Variants in SPIRE1 observed in about 807,000 individuals in gnomAD.
The protein encoded by SPIRE1 is spire type actin nucleation factor 1, also known as protein spire homolog 1.
A neutral mutation model predicts 94.1 loss-of-function variants in SPIRE1; 40 were observed. The observed-to-expected ratio is 0.43, with a 90% CI of 0.33 to 0.55. The LOEUF (loss-of-function observed/expected upper bound fraction) is 0.55, where lower values mean the gene tolerates loss of function less well. Ranked by LOEUF, SPIRE1 falls within the 20% of genes least tolerant of loss-of-function variation. The pLI, the probability that SPIRE1 is intolerant of heterozygous loss-of-function variation, is 0.06. For synonymous variants in SPIRE1, 376 were observed against 371.7 expected, an observed-to-expected ratio of 1.01 and a Z score of -0.13; for missense variants, 838 against 975.2, an observed-to-expected ratio of 0.86 and a Z score of 1.87.
Position 12,506,613 on chromosome 18 carries a change from T to A in SPIRE1, c.836A>T (p.Asp279Val). The part of the protein sequence containing the change: ...WARFWVQVMR[D>V]LRNGVKLKKV... Reference sequence around the variant, plus strand: ...CTTAAGTTTTACCCCATTCCTCAAATCCCTCATCACCTGTACCCAGAATCG... The same window carrying A: ...CTTAAGTTTTACCCCATTCCTCAAAACCCTCATCACCTGTACCCAGAATCG... Residue 279 changes from aspartate to valine, a missense_variant, in exon 6 of 17, where the codon GAT becomes GTT. This residue lies in a region of SPIRE1 where 645 missense variants were observed against 804.7 expected (regional missense o/e 0.80). Transcript: ENST00000409402. 1 of 1,613,970 alleles carries A rather than the reference T, an allele frequency of 6.2e-7. No individual in the cohort carries two copies. The highest frequency in any genetic ancestry group is 8.5e-7 in the Non-Finnish European group (1 of 1,179,974).
At chr18:12,551,756 A>G (rs56111234) in intron 2 of SPIRE1, among the ~76,000 whole-genome samples, 1 of 152,110 alleles carries the variant, frequency 6.6e-6, no homozygotes, top group Admixed American at 6.5e-5. Context: ...AGCTGAATAG[A>G]CAGCTTTATT....
intron 2 of SPIRE1, among the ~76,000 whole-genome samples, chr18:12,591,727 C>T (rs2036540525): frequency 6.6e-6 from 1 of 152,022 alleles, no homozygotes; most frequent in South Asian, 2.1e-4. Context: ...CCTGTAATCC[C>T]AGCACTTTAG....
At chr18:12,459,518 C>A (rs976313306) in intron 12 of SPIRE1, among the ~76,000 whole-genome samples, 5 of 152,242 alleles carry the variant, frequency 3.3e-5, no homozygotes, top group African/African-American at 9.6e-5. Flanking sequence ...CCCGAGGAGA[C>A]AAACACCCAC....
At chr18:12,640,082 TG>T (rs1414368703) in intron 1 of SPIRE1, among the ~76,000 whole-genome samples, 1 of 152,202 alleles carries the variant, frequency 6.6e-6, no homozygotes, top group East Asian at 1.9e-4. Flanking sequence ...CATTTCACCA[TG>T]GGTCTGCTCA....
chr18:12,661,324 A>G (rs952553342), upstream of SPIRE1: 102 of 979,966 alleles, frequency 1.0e-4, no homozygotes, highest in Middle Eastern at 5.2e-4. Context: ...AGAAGAAAAA[A>G]AATTGATAAG....
chr18:12,487,243 T>C (rs1481100847), intron 8 of SPIRE1, among the ~76,000 whole-genome samples: 3 of 152,216 alleles, frequency 2.0e-5, no homozygotes, highest in Non-Finnish European at 2.9e-5. Flanking sequence ...TGAGCCTATT[T>C]TATAAAATAA....
At chr18:12,626,051 C>A (rs56851550) in intron 2 of SPIRE1, among the ~76,000 whole-genome samples, 16,284 of 134,696 alleles carry the variant, frequency 0.12, 1,622 homozygotes, top group South Asian at 0.35. Flanking sequence ...CGCCCCCCCC[C>A]AAAAAAAGGA....
At chr18:12,605,848 G>A (rs1056617736) in intron 2 of SPIRE1, among the ~76,000 whole-genome samples, 1 of 151,340 alleles carries the variant, frequency 6.6e-6, no homozygotes, top group African/African-American at 2.4e-5. Flanking sequence ...AGAGCTTACT[G>A]TACCCAATGG....
intron 2 of SPIRE1, among the ~76,000 whole-genome samples, chr18:12,605,289 TG>T (rs113622040): frequency 0.097 from 14,773 of 152,060 alleles, 818 homozygotes; most frequent in Middle Eastern, 0.17. Context: ...GAGGCCGAGG[TG>T]GGCGGACCAT....
At chr18:12,488,840 G>A (rs1386467522) in intron 8 of SPIRE1, among the ~76,000 whole-genome samples, 1 of 152,148 alleles carries the variant, frequency 6.6e-6, no homozygotes, top group Non-Finnish European at 1.5e-5. Flanking sequence ...GCATTTTACT[G>A]TGTTTTAATT....
chr18:12,611,691 T>C (rs1426150111), intron 2 of SPIRE1, among the ~76,000 whole-genome samples: 2 of 152,218 alleles, frequency 1.3e-5, no homozygotes, highest in East Asian at 3.8e-4. Context: ...TGAGACAGGG[T>C]CTTGCTCTGT....
chr18:12,549,448 T>TG (rs2035279075), intron 2 of SPIRE1, among the ~76,000 whole-genome samples: 1 of 94,586 alleles, frequency 1.1e-5, no homozygotes, highest in Non-Finnish European at 2.5e-5. Flanking sequence ...TGTTTTTTTT[T>TG]TTTTTTTTTT....
Position 12,601,634 on chromosome 18 carries a change from C to G in SPIRE1, c.372+33428G>C, listed in dbSNP as rs569538213. ...AATTCATGCCCATTTGCAGGCACTC[C>G]TCTTCTGACCCCCAGCTCCATGAAA... is the stretch of plus-strand genomic sequence containing the variant. On this transcript the variant is annotated intron_variant, in intron 2 of 16. Transcript: ENST00000409402. Among the ~76,000 whole-genome samples the G allele has an allele frequency of 3.9e-5, 6 of 152,248 alleles. No homozygotes were observed. In the East Asian group the frequency reaches 1.2e-3, roughly 29 times the overall value.
chr18:12,482,728 G>C (rs1388380953), intron 9 of SPIRE1, among the ~76,000 whole-genome samples: 1 of 152,124 alleles, frequency 6.6e-6, no homozygotes, highest in Non-Finnish European at 1.5e-5. Flanking sequence ...CAATAGCTCT[G>C]TAATTGCCTG....
intron 4 of SPIRE1, among the ~76,000 whole-genome samples, chr18:12,521,398 A>G (rs970282049): frequency 1.3e-5 from 2 of 150,258 alleles, no homozygotes; most frequent in Non-Finnish European, 2.9e-5. Context: ...GTGGCACGTG[A>G]TCTCAGCTCA....
intron 1 of SPIRE1, among the ~76,000 whole-genome samples, chr18:12,650,003 A>C (rs971445908): frequency 1.3e-5 from 2 of 150,588 alleles, no homozygotes; most frequent in Non-Finnish European, 3.0e-5. Flanking sequence ...ACTTTGGGAG[A>C]CCAAGGCAGG....
In SPIRE1 at chr18:12,578,834, T is replaced by C. The variant is rs529848173; in HGVS notation, c.373-31930A>G. 3.9e-5 allele frequency among the ~76,000 whole-genome samples: 6 copies of C among 152,276 alleles called. No homozygotes were observed. In the East Asian group the frequency reaches 1.2e-3, roughly 29 times the overall value. The stretch of plus-strand genomic sequence containing the variant: ...AAAAGAAACACACAGGCTATAAATA[T>C]GTGGAGTTCTGCTTATGCAAATGTC... On this transcript the variant is annotated intron_variant, in intron 2 of 16. Coordinates refer to ENST00000409402, the MANE Select transcript of SPIRE1 (RefSeq NM_001128626.2).
intron 2 of SPIRE1, among the ~76,000 whole-genome samples, chr18:12,614,468 T>C (rs1348208376): frequency 2.0e-5 from 3 of 152,182 alleles, no homozygotes; most frequent in African/African-American, 7.2e-5. Context: ...CTGGTTTTTA[T>C]TTTAATAAGC....
At chr18:12,651,154 G>C (rs1385457756) in intron 1 of SPIRE1, among the ~76,000 whole-genome samples, 1 of 152,082 alleles carries the variant, frequency 6.6e-6, no homozygotes, top group Non-Finnish European at 1.5e-5. Context: ...GGAACTCAAA[G>C]CATATTTGTT....
Sources: gnomAD v4.1 joint callset for allele counts (sites outside exome capture counted in the v4.1 genomes callset) on GRCh38, gnomAD v4.1.1 for gene constraint, gnomAD v4.1.1 regional missense constraint, MANE v1.5 for transcripts, NCBI Gene and HGNC (gene_info 2026-07-23, HGNC 2026-07-21) for gene names.